Variants in KCND3 observed in about 807,000 individuals in gnomAD.
The protein encoded by KCND3 is potassium voltage-gated channel subfamily D member 3.
Under a neutral mutation model 51.1 loss-of-function variants are expected in KCND3, and 9 were observed. The ratio of observed to expected loss-of-function variants is 0.18; its 90% CI spans 0.11 to 0.31. The LOEUF (loss-of-function observed/expected upper bound fraction) is 0.31. Ranked by LOEUF, KCND3 falls within the 10% of genes least tolerant of loss-of-function variation. KCND3 has a pLI of 1.00. For synonymous variants in KCND3, 349 were observed against 368.0 expected (o/e 0.95, Z 0.59); for missense variants, 526 against 903.8 (o/e 0.58, Z 5.36).
At chr1:111,840,556 C>A (rs1294199409) in intron 2 of KCND3, among the ~76,000 whole-genome samples, 1 of 151,582 alleles carries the variant, frequency 6.6e-6, no homozygotes, top group Non-Finnish European at 1.5e-5. Context: ...GATTTATTTT[C>A]TGCTCCCCTC....
At chr1:111,785,568 C>T (rs1488379289) in intron 3 of KCND3, among the ~76,000 whole-genome samples, 1 of 152,094 alleles carries the variant, frequency 6.6e-6, no homozygotes, top group Non-Finnish European at 1.5e-5. Flanking sequence ...AGGAGCCAAC[C>T]ATAAAGGCAC....
intron 2 of KCND3, among the ~76,000 whole-genome samples, chr1:111,789,583 T>C (rs995336314): frequency 2.6e-5 from 4 of 152,174 alleles, no homozygotes; most frequent in East Asian, 1.9e-4. Context: ...AACGGCTGTA[T>C]TGAATTTTTA....
intron 2 of KCND3, among the ~76,000 whole-genome samples, chr1:111,927,228 TG>T (rs1249383717): frequency 1.2e-4 from 18 of 151,952 alleles, no homozygotes; most frequent in African/African-American, 3.6e-4. Context: ...TGCCCCCCAG[TG>T]GGGGCTATGG....
chr1:111,922,194 G>A (rs1014877000), intron 2 of KCND3, among the ~76,000 whole-genome samples: 1 of 152,200 alleles, frequency 6.6e-6, no homozygotes, highest in Non-Finnish European at 1.5e-5. Context: ...TCATGAGCAG[G>A]GCGGCATTGG....
chr1:111,801,074 C>CG (rs1665287876), intron 2 of KCND3, among the ~76,000 whole-genome samples: 1 of 152,228 alleles, frequency 6.6e-6, no homozygotes, highest in South Asian at 2.1e-4. Flanking sequence ...GCCTTCTCCC[C>CG]GGGGCTGCTT....
intron 2 of KCND3, among the ~76,000 whole-genome samples, chr1:111,909,163 T>C (rs138571640): frequency 6.6e-6 from 1 of 152,242 alleles, no homozygotes; most frequent in African/African-American, 2.4e-5. Context: ...GCAGTCAACA[T>C]TCCTGCCCCA....
chr1:111,860,473 T>G (rs1217016891), intron 2 of KCND3, among the ~76,000 whole-genome samples: 1 of 152,170 alleles, frequency 6.6e-6, no homozygotes, highest in Non-Finnish European at 1.5e-5. Flanking sequence ...TCCAGGCCCC[T>G]GGGGAAGAGG....
chr1:111,823,361 G>A (rs1328617562), intron 2 of KCND3, among the ~76,000 whole-genome samples: 1 of 152,030 alleles, frequency 6.6e-6, no homozygotes, highest in Admixed American at 6.6e-5. Flanking sequence ...GGGCCCTCCT[G>A]TTCTCCCTCC....
intron 2 of KCND3, among the ~76,000 whole-genome samples, chr1:111,824,104 T>C (rs537335659): frequency 7.3e-6 from 1 of 137,620 alleles, no homozygotes; most frequent in Non-Finnish European, 1.6e-5. Context: ...CATGATCCCA[T>C]GCCTTCTCCA....
intron 2 of KCND3, among the ~76,000 whole-genome samples, chr1:111,823,389 C>T (rs796277909): frequency 1.4e-4 from 21 of 152,238 alleles, no homozygotes; most frequent in African/African-American, 4.8e-4. Context: ...CTACTCTGGT[C>T]CCTGACATAA....
chr1:111,884,564 C>G (rs373385766), intron 2 of KCND3, among the ~76,000 whole-genome samples: 3 of 152,140 alleles, frequency 2.0e-5, no homozygotes, highest in Non-Finnish European at 4.4e-5. Flanking sequence ...GAGGAGACCA[C>G]GCTGAGAGAT....
intron 2 of KCND3, among the ~76,000 whole-genome samples, chr1:111,852,433 G>A (rs1049423060): frequency 5.3e-5 from 8 of 152,226 alleles, no homozygotes; most frequent in Admixed American, 3.3e-4. Context: ...GGCAACAGGC[G>A]TCATCTACAT....
chr1:111,816,916 G>A (rs1254406438), intron 2 of KCND3, among the ~76,000 whole-genome samples: 7 of 152,172 alleles, frequency 4.6e-5, no homozygotes, highest in Non-Finnish European at 8.8e-5. Context: ...TCTGAGACGC[G>A]CCTGTGTCTG....
In KCND3 at chr1:111,815,931, C is replaced by T. The variant is rs535651993; in HGVS notation, c.1107-28825G>A. Among the ~76,000 whole-genome samples the T allele has an allele frequency of 5.3e-5, 8 of 152,186 alleles. No individual in the cohort carries two copies. The East Asian group carries it at 1.5e-3, about 29-fold the overall frequency. On this transcript the variant is annotated intron_variant, in intron 2 of 7. Coordinates refer to ENST00000302127, the MANE Select transcript of KCND3 (RefSeq NM_001378969.1). Reference sequence around the variant, plus strand: ...CCTTGGAAAGCTGCCCAGCCCCTACCTCCACTGCCAGCAGTGACTCCTAGG... The same window carrying T: ...CCTTGGAAAGCTGCCCAGCCCCTACTTCCACTGCCAGCAGTGACTCCTAGG...
chr1:111,796,935 C>T (rs953623869), intron 2 of KCND3, among the ~76,000 whole-genome samples: 1 of 152,178 alleles, frequency 6.6e-6, no homozygotes, highest in Non-Finnish European at 1.5e-5. Flanking sequence ...GTCACAGCGG[C>T]AGGCTCCTGG....
intron 2 of KCND3, among the ~76,000 whole-genome samples, chr1:111,876,227 G>A (rs1669042476): frequency 6.6e-6 from 1 of 152,186 alleles, no homozygotes. Context: ...CCCTTCACCT[G>A]TCTGCCTCAG....
intron 2 of KCND3, among the ~76,000 whole-genome samples, chr1:111,941,455 T>C (rs886521782): frequency 1.3e-5 from 2 of 152,210 alleles, no homozygotes; most frequent in Non-Finnish European, 2.9e-5. Flanking sequence ...CTTAGCTCCA[T>C]ATCTACTGGG....
intron 2 of KCND3, among the ~76,000 whole-genome samples, chr1:111,903,922 C>CCA (rs1286450947): frequency 6.6e-6 from 1 of 152,170 alleles, no homozygotes; most frequent in Non-Finnish European, 1.5e-5. Context: ...CTTACAATGT[C>CCA]CAGACTGAGG....
At chr1:111,914,418 A>G (rs1175481415) in intron 2 of KCND3, among the ~76,000 whole-genome samples, 2 of 152,190 alleles carry the variant, frequency 1.3e-5, no homozygotes, top group Non-Finnish European at 2.9e-5. Context: ...ATTTGGTGCA[A>G]CCTATAAACT....
Sources: allele counts gnomAD v4.1 joint callset (sites outside exome capture counted in the v4.1 genomes callset), GRCh38; gene constraint gnomAD v4.1.1; transcripts MANE v1.5; gene names NCBI Gene and HGNC (gene_info 2026-07-23, HGNC 2026-07-21).